The following GAS2L3 variants were observed in gnomAD, a reference collection of about 807,000 sequenced individuals.
GAS2L3 encodes growth arrest specific 2 like 3, also known as GAS2-like protein 3.
A neutral mutation model predicts 37.0 loss-of-function variants in GAS2L3; 28 were observed. The ratio of observed to expected loss-of-function variants is 0.76; its 90% CI spans 0.56 to 1.04. GAS2L3 has a LOEUF of 1.04. Ranked by LOEUF, GAS2L3 falls within the 50% of genes least tolerant of loss-of-function variation. GAS2L3 has a pLI of 0.00. For synonymous variants in GAS2L3, 290 were observed against 296.6 expected (o/e 0.98, Z 0.23); for missense variants, 793 against 817.6 (o/e 0.97, Z 0.37).
At chr12:100,602,542 G>T in intron 5 of GAS2L3, among the ~76,000 whole-genome samples, 1 of 151,702 alleles carries the variant, frequency 6.6e-6, no homozygotes, top group South Asian at 2.1e-4. Context: ...ATATTTATGG[G>T]GTACATGAGA....
At chr12:100,585,440 G>C (rs2136398877) in intron 1 of GAS2L3, among the ~76,000 whole-genome samples, 1 of 151,954 alleles carries the variant, frequency 6.6e-6, no homozygotes, top group East Asian at 1.9e-4. Context: ...ATTTTTAGTA[G>C]AGACGGGGTT....
chr12:100,597,890 A>G (rs1033009425), intron 3 of GAS2L3, among the ~76,000 whole-genome samples: 1 of 152,092 alleles, frequency 6.6e-6, no homozygotes, highest in South Asian at 2.1e-4. Context: ...AAAATGGTCT[A>G]TATTTAAAAA....
At chr12:100,574,210 T>G (rs1955607492) in intron 1 of GAS2L3, among the ~76,000 whole-genome samples, 1 of 152,176 alleles carries the variant, frequency 6.6e-6, no homozygotes, top group South Asian at 2.1e-4. Context: ...CGCCTGGCAC[T>G]TAGAGGGTCT....
chr12:100,588,931 C>T (rs1033829465), intron 1 of GAS2L3, among the ~76,000 whole-genome samples: 6 of 152,074 alleles, frequency 3.9e-5, no homozygotes, highest in African/African-American at 1.2e-4. Context: ...CCATAAAAAT[C>T]GCTGTTATTC....
At position 100,602,065 on chromosome 12, in the gene GAS2L3, A is replaced by C. The variant is rs1238182647; in HGVS notation, c.303+312A>C. On this transcript the variant is annotated intron_variant, in intron 5 of 9. Coordinates refer to ENST00000547754, the MANE Select transcript of GAS2L3 (RefSeq NM_174942.3). ...GGTGAATGTATAGATAGTGTCTAAC[A>C]TAGTGCTTGATGCATAGTAGATCCA... Among the ~76,000 whole-genome samples the C allele has an allele frequency of 2.0e-5, 3 of 152,164 alleles. No homozygotes were observed. The South Asian group carries it at 6.2e-4, about 32-fold the overall frequency.
Position 100,589,281 on chromosome 12 carries a change from A to G in GAS2L3, c.-151-2455A>G, listed in dbSNP as rs1250499213. Reference sequence around the variant, plus strand: ...ACACAAATCAGTAGCTCTTCTATACACCAACAGCAACCAAACAGAGAATCA... The same window carrying G: ...ACACAAATCAGTAGCTCTTCTATACGCCAACAGCAACCAAACAGAGAATCA... On this transcript the variant is annotated intron_variant, in intron 1 of 9. Coordinates refer to ENST00000547754, the MANE Select transcript of GAS2L3 (RefSeq NM_174942.3). Among the ~76,000 whole-genome samples the G allele has an allele frequency of 2.0e-5, 3 of 151,830 alleles. No individual in the cohort carries two copies. The East Asian group carries it at 6.0e-4, about 30-fold the overall frequency.
At chr12:100,577,022 TATAG>T (rs1565794571) in intron 1 of GAS2L3, among the ~76,000 whole-genome samples, 1 of 152,228 alleles carries the variant, frequency 6.6e-6, no homozygotes, top group Non-Finnish European at 1.5e-5. Flanking sequence ...GCTCACTTTA[TATAG>T]ATAGTTAGCT....
Position 100,624,784 on chromosome 12 carries a change from C to CA in GAS2L3, c.1980dup (p.Ser661IlefsTer3), listed in dbSNP as rs1956313644. On this transcript the variant is annotated frameshift_variant, in exon 10 of 10. Coordinates refer to ENST00000547754, the MANE Select transcript of GAS2L3 (RefSeq NM_174942.3). LOFTEE classifies it low-confidence loss of function (END_TRUNC). ...CCAGCTTCAATCAGGAAACCACCCTCATCTGTTAAGGATGCAGATAGTGGA... is the reference window on the plus strand; with the variant it reads ...CCAGCTTCAATCAGGAAACCACCCTCAATCTGTTAAGGATGCAGATAGTGGA... 1 of 1,613,876 alleles carries CA rather than the reference C, an allele frequency of 6.2e-7. No homozygotes were observed. The highest frequency in any genetic ancestry group is 2.2e-5 in the East Asian group (1 of 44,874).
chr12:100,579,292 C>T (rs941128579), intron 1 of GAS2L3: 6 of 626,212 alleles, frequency 9.6e-6, no homozygotes, highest in South Asian at 3.7e-5. Flanking sequence ...GTATCATTTG[C>T]GTTTCTTATA....
At chr12:100,614,708 GCAAACTCTGTTCTCTGTCTCTAT>G (rs1311815911) in intron 6 of GAS2L3, among the ~76,000 whole-genome samples, 1 of 152,066 alleles carries the variant, frequency 6.6e-6, no homozygotes, top group African/African-American at 2.4e-5. Context: ...CCATGCCAAG[GCAAACTCTGTTCTCTGTCTCTAT>G]GGATTTGCAT....
intron 1 of GAS2L3, among the ~76,000 whole-genome samples, chr12:100,584,736 C>A (rs1955757262): frequency 6.6e-6 from 1 of 151,642 alleles, no homozygotes; most frequent in Admixed American, 6.6e-5. Flanking sequence ...CCATGCCCAG[C>A]TAAATTTTGT....
chr12:100,583,527 C>CT (rs530651041), intron 1 of GAS2L3, among the ~76,000 whole-genome samples: 7 of 152,092 alleles, frequency 4.6e-5, no homozygotes, highest in African/African-American at 1.4e-4. Context: ...TCCTTTCTTT[C>CT]TTTTTTTTCT....
At chr12:100,583,333 G>T (rs1485904033) in intron 1 of GAS2L3, among the ~76,000 whole-genome samples, 1 of 152,224 alleles carries the variant, frequency 6.6e-6, no homozygotes, top group Admixed American at 6.5e-5. Flanking sequence ...CCATCATTCT[G>T]TCTACTACAC....
chr12:100,593,506 G>C (rs1227730687), intron 2 of GAS2L3: 1 of 152,084 alleles, frequency 6.6e-6, no homozygotes, highest in South Asian at 2.1e-4. Flanking sequence ...AAACATTCTT[G>C]TGATAGCTTC....
chr12:100,622,346 A>G lies in GAS2L3; in HGVS notation c.720A>G (p.Gly240=). The G allele has an allele frequency of 6.3e-7, 1 of 1,594,944 alleles. No homozygotes were observed. The highest frequency in any genetic ancestry group is 8.6e-7 in the Non-Finnish European group (1 of 1,163,474). ...HRFSIEYLSE[G]RYRLGDKILF... ...TTTCTATTGAGTATTTATCTGAAGGACGGTACCGACTAGGGGATAAAATAC... is the reference window on the plus strand; with the variant it reads ...TTTCTATTGAGTATTTATCTGAAGGGCGGTACCGACTAGGGGATAAAATAC... Residue 240 remains glycine, a synonymous_variant, in exon 9 of 10, where the codon GGA becomes GGG. Coordinates refer to ENST00000547754, the MANE Select transcript of GAS2L3 (RefSeq NM_174942.3).
Position 100,578,751 on chromosome 12 carries a change from A to G in GAS2L3, c.-152+4966A>G, listed in dbSNP as rs1168254277. ...TGCCTAAACCATCTCAGCATGGCGTATAAAGGAGAAGGTGGGCATGGCCAG... is the reference window on the plus strand; with the variant it reads ...TGCCTAAACCATCTCAGCATGGCGTGTAAAGGAGAAGGTGGGCATGGCCAG... On this transcript the variant is annotated intron_variant, in intron 1 of 9. Transcript: ENST00000547754. The G allele has an allele frequency of 1.6e-5, 9 of 555,012 alleles. No individual in the cohort carries two copies. The Admixed American group carries it at 1.7e-4, about 11-fold the overall frequency. 34.4% of individuals were successfully genotyped at this position (555,012 alleles called of 1,614,324 possible).
rs2136602978 is a variant in GAS2L3, at chr12:100,623,756, G to A, written c.951G>A (p.Met317Ile). The A allele has an allele frequency of 4.3e-6, 7 of 1,614,016 alleles. No individual in the cohort carries two copies. The highest frequency in any genetic ancestry group is 3.3e-5 in the South Asian group (3 of 91,074). ...SPARTPQPPEMNPLSAVNMFQ... is the reference protein window; with the variant it reads ...SPARTPQPPEINPLSAVNMFQ... Reference sequence around the variant, plus strand: ...CCAGAACACCTCAGCCTCCTGAAATGAATCCTTTGTCAGCAGTTAACATGT... The same window carrying A: ...CCAGAACACCTCAGCCTCCTGAAATAAATCCTTTGTCAGCAGTTAACATGT... The change falls in exon 10 of 10, where the codon ATG becomes ATA. Residue 317 changes from methionine (M) to isoleucine (I), a missense_variant. Coordinates refer to ENST00000547754, the MANE Select transcript of GAS2L3 (RefSeq NM_174942.3).
At chr12:100,593,490 G>A (rs1955871689) in intron 2 of GAS2L3, 1 of 152,082 alleles carries the variant, frequency 6.6e-6, no homozygotes, top group African/African-American at 2.4e-5. Context: ...AAAAAGTGCA[G>A]CGACTAAACA....
At position 100,624,031 on chromosome 12, in the gene GAS2L3, T is replaced by G; in HGVS notation, c.1226T>G (p.Leu409Ter). Residue 409 changes from leucine (L) to a stop codon, truncating the protein, a stop_gained, in exon 10 of 10, where the codon TTA (leucine) becomes TGA (stop). Coordinates refer to ENST00000547754, the MANE Select transcript of GAS2L3 (RefSeq NM_174942.3). LOFTEE classifies it low-confidence loss of function (END_TRUNC). ...SNNASSSLAS[L>*]NPVGKNTSSP... ...AATGCATCATCTTCACTTGCTTCAT[T>G]AAATCCAGTAGGTAAAAACACTTCT... 1 of 1,614,066 alleles carries G rather than the reference T, an allele frequency of 6.2e-7. No individual in the cohort carries two copies. The highest frequency in any genetic ancestry group is 8.5e-7 in the Non-Finnish European group (1 of 1,179,982).
Sources: allele counts gnomAD v4.1 joint callset (sites outside exome capture counted in the v4.1 genomes callset), GRCh38; gene constraint gnomAD v4.1.1; transcripts MANE v1.5; gene names NCBI Gene and HGNC (gene_info 2026-07-23, HGNC 2026-07-21).